The following TTBK2 variants were observed in gnomAD, a reference collection of about 807,000 sequenced individuals.
TTBK2 encodes tau-tubulin kinase 2.
Under a neutral mutation model 110.8 loss-of-function variants are expected in TTBK2, and 28 were observed. That is an observed-to-expected ratio of 0.25 (90% CI 0.19 to 0.35). TTBK2 has a LOEUF of 0.35. Ranked by LOEUF, TTBK2 falls within the 10% of genes least tolerant of loss-of-function variation. The pLI is 1.00. For missense variants in TTBK2, 1,369 were observed against 1,500.3 expected (o/e 0.91, Z 1.45); for synonymous variants, 532 against 527.3 (o/e 1.01, Z -0.12).
At chr15:42,786,576 G>C (rs1890423592) in intron 10 of TTBK2, among the ~76,000 whole-genome samples, 1 of 151,444 alleles carries the variant, frequency 6.6e-6, no homozygotes, top group Non-Finnish European at 1.5e-5. Flanking sequence ...CAATTCCTTT[G>C]CATTTCCTTC....
chr15:42,783,146 T>C (rs1890249250), intron 11 of TTBK2, among the ~76,000 whole-genome samples: 1 of 152,168 alleles, frequency 6.6e-6, no homozygotes, highest in South Asian at 2.1e-4. Context: ...ATTCACATGT[T>C]GAAATTCTAA....
intron 14 of TTBK2, among the ~76,000 whole-genome samples, chr15:42,748,801 A>T (rs1382490403): frequency 6.6e-6 from 1 of 152,222 alleles, no homozygotes; most frequent in Non-Finnish European, 1.5e-5. Context: ...ATATATCAAG[A>T]TAATATTTAA....
chr15:42,808,326 G>A (rs1010643081), intron 9 of TTBK2, among the ~76,000 whole-genome samples: 1 of 152,152 alleles, frequency 6.6e-6, no homozygotes, highest in South Asian at 2.1e-4. Context: ...TATACACAAA[G>A]TGAAAGTGGC....
chr15:42,809,038 C>A (rs933795096), intron 9 of TTBK2, among the ~76,000 whole-genome samples: 4 of 152,196 alleles, frequency 2.6e-5, no homozygotes, highest in African/African-American at 9.6e-5. Flanking sequence ...GCAGAAGCTG[C>A]AAAGCTCAGG....
chr15:42,777,031 C>G lies in TTBK2; in HGVS notation c.1409G>C (p.Cys470Ser). The stretch of plus-strand genomic sequence containing the variant: ...AAAAGAAAAATACACTATTTTATAC[C>G]AGGTCTCAAGGAACTTGTCAGTGTC... ...KPDTDKFLET[C>S]LEKMQKDTSA... Residue 470 changes from cysteine to serine, a missense_variant and splice_region_variant, in exon 12 of 15, where the codon TGC becomes TCC. Coordinates refer to ENST00000267890, the MANE Select transcript of TTBK2 (RefSeq NM_173500.4). The G allele has an allele frequency of 6.2e-7, 1 of 1,613,714 alleles. No individual in the cohort carries two copies. Among genetic ancestry groups the G allele is most frequent in the Non-Finnish European group, 8.5e-7 (1 of 1,179,756 alleles).
chr15:42,851,858 T>A (rs547057961), intron 3 of TTBK2, among the ~76,000 whole-genome samples: 4 of 152,260 alleles, frequency 2.6e-5, no homozygotes, highest in South Asian at 4.1e-4. Flanking sequence ...TTGTGTTGAT[T>A]TTCAAGTTTC....
intron 9 of TTBK2, chr15:42,802,325 C>G (rs1891256258): frequency 1.3e-6 from 1 of 773,168 alleles, no homozygotes; most frequent in Non-Finnish European, 2.3e-6. Flanking sequence ...GCACCAGGCC[C>G]ACTCGTGTAG....
chr15:42,760,329 G>T (rs898054559), intron 13 of TTBK2, among the ~76,000 whole-genome samples: 2 of 144,472 alleles, frequency 1.4e-5, no homozygotes, highest in African/African-American at 5.1e-5. Context: ...AGGTTGCAGT[G>T]AGCTGAGATC....
Position 42,744,658 on chromosome 15 carries a change from G to A in TTBK2, c.*1137C>T, listed in dbSNP as rs2061770030. 2 of 152,140 alleles carry A rather than the reference G, an allele frequency of 1.3e-5. No homozygotes were observed. The highest frequency in any genetic ancestry group is 1.3e-4 in the Admixed American group (2 of 15,280). The allele number at this position is 152,140 out of a possible 1,614,324, so 9.4% of individuals were successfully genotyped here. The stretch of plus-strand genomic sequence containing the variant: ...AATGTTGAACTAAAACACAGGAGAA[G>A]CAGGTAATAAAACATTAAAAAAGAA... On this transcript the variant is annotated 3_prime_UTR_variant, in exon 15 of 15. Coordinates refer to ENST00000267890, the MANE Select transcript of TTBK2 (RefSeq NM_173500.4).
At chr15:42,846,430 C>A (rs1373086709) in intron 3 of TTBK2, among the ~76,000 whole-genome samples, 4 of 152,080 alleles carry the variant, frequency 2.6e-5, no homozygotes, top group African/African-American at 7.2e-5. Flanking sequence ...AATACCCCCA[C>A]CTAGGCCTCC....
intron 14 of TTBK2, among the ~76,000 whole-genome samples, chr15:42,746,853 T>C (rs748856878): frequency 5.3e-5 from 8 of 152,102 alleles, no homozygotes; most frequent in Non-Finnish European, 8.8e-5. Flanking sequence ...AGAGTAGTCA[T>C]TGGTTTCTGT....
chr15:42,763,123 TATATATAC>T (rs1487872417), intron 13 of TTBK2, among the ~76,000 whole-genome samples: 3 of 102,712 alleles, frequency 2.9e-5, no homozygotes, highest in Non-Finnish European at 5.2e-5. Flanking sequence ...TATATACACA[TATATATAC>T]ATATATACAT....
chr15:42,873,782 G>A (rs1017384800), intron 2 of TTBK2, among the ~76,000 whole-genome samples: 1 of 152,136 alleles, frequency 6.6e-6, no homozygotes, highest in Admixed American at 6.5e-5. Flanking sequence ...GCTAGATACA[G>A]CAATTTTTTT....
At chr15:42,789,966 G>A (rs778337373) in intron 10 of TTBK2, among the ~76,000 whole-genome samples, 1 of 151,926 alleles carries the variant, frequency 6.6e-6, no homozygotes, top group Non-Finnish European at 1.5e-5. Flanking sequence ...CAGTGAACAC[G>A]AGAGTGCAGA....
At position 42,746,163 on chromosome 15, in the gene TTBK2, G is replaced by A. The variant is rs199820364; in HGVS notation, c.3367C>T (p.Arg1123Trp). 2.2e-5 allele frequency: 36 copies of A among 1,614,134 alleles called. No individual in the cohort carries two copies. The highest frequency in any genetic ancestry group is 2.2e-4 in the East Asian group (10 of 44,886). The change falls in exon 15 of 15, where the codon CGG becomes TGG. Residue 1123 changes from arginine to tryptophan, a missense_variant. Around this residue, in one of 4 missense-constraint regions of TTBK2, gnomAD observed 1,097 missense variants for 1,114.7 expected, o/e 0.98. Coordinates refer to ENST00000267890, the MANE Select transcript of TTBK2 (RefSeq NM_173500.4). ...QILQNGSQKP[R>W]STTQCKSPGS... ...GGACTCTTGCACTGAGTAGTGCTCC[G>A]GGGTTTCTGAGATCCATTTTGAAGA...
At chr15:42,820,576 G>T (rs1180518045) in intron 6 of TTBK2, among the ~76,000 whole-genome samples, 1 of 152,168 alleles carries the variant, frequency 6.6e-6, no homozygotes, top group Non-Finnish European at 1.5e-5. Context: ...GATGTACAAA[G>T]TCAGTCACTA....
At chr15:42,902,604 C>T (rs1329650258) in intron 1 of TTBK2, among the ~76,000 whole-genome samples, 6 of 151,964 alleles carry the variant, frequency 3.9e-5, no homozygotes, top group South Asian at 2.1e-4. Context: ...TGGCAGGTGC[C>T]GGTGAGGATG....
At chr15:42,853,670 A>T (rs1303993045) in intron 3 of TTBK2, among the ~76,000 whole-genome samples, 1 of 152,160 alleles carries the variant, frequency 6.6e-6, no homozygotes, top group African/African-American at 2.4e-5. Context: ...TTCATCACTG[A>T]CTTAAGTAGT....
chr15:42,788,161 T>G (rs757900898), intron 10 of TTBK2, among the ~76,000 whole-genome samples: 23 of 152,194 alleles, frequency 1.5e-4, no homozygotes, highest in Non-Finnish European at 2.5e-4. Flanking sequence ...ACACGGCACA[T>G]GACTGTAGTT....
Sources: allele counts gnomAD v4.1 joint callset (sites outside exome capture counted in the v4.1 genomes callset), GRCh38; gene constraint gnomAD v4.1.1; regional missense constraint gnomAD v4.1.1; transcripts MANE v1.5; gene names NCBI Gene and HGNC (gene_info 2026-07-23, HGNC 2026-07-21).